Variants in NLGN1 observed in about 807,000 individuals in gnomAD.
NLGN1 encodes the protein neuroligin-1.
Under a neutral mutation model 65.5 loss-of-function variants are expected in NLGN1, and 12 were observed. The observed-to-expected ratio is 0.18, with a 90% CI of 0.12 to 0.30. The LOEUF (loss-of-function observed/expected upper bound fraction) is 0.30. NLGN1 is among the 10% of genes least tolerant of loss of function. NLGN1 has a pLI of 1.00. For missense variants in NLGN1, 750 were observed against 1,007.1 expected (o/e 0.74, Z 3.46); for synonymous variants, 350 against 359.5 (o/e 0.97, Z 0.30).
intron 3 of NLGN1, among the ~76,000 whole-genome samples, chr3:173,613,266 G>T (rs1177674897): frequency 1.3e-5 from 2 of 151,954 alleles, no homozygotes; most frequent in Non-Finnish European, 2.9e-5. Flanking sequence ...ATAGCTTATT[G>T]GGGTTAAATA....
intron 2 of NLGN1, among the ~76,000 whole-genome samples, chr3:173,571,609 T>C (rs939270686): frequency 2.0e-5 from 3 of 152,368 alleles, no homozygotes; most frequent in East Asian, 3.9e-4. Context: ...TTAAACTTCA[T>C]TGGAAAGTGA....
intron 3 of NLGN1, among the ~76,000 whole-genome samples, chr3:173,765,729 A>G (rs1778690795): frequency 2.0e-5 from 3 of 152,166 alleles, no homozygotes; most frequent in Admixed American, 1.3e-4. Context: ...AGCTTATATT[A>G]TACGGTAAGA....
chr3:173,807,918 T>G, intron 4 of NLGN1, 86 bp downstream of exon 4: 1 of 1,371,254 alleles, frequency 7.3e-7, no homozygotes, highest in South Asian at 1.2e-5. Flanking sequence ...CTGCTTTGCT[T>G]TGTTTCACCC....
chr3:174,000,581 A>C (rs1297165763), intron 4 of NLGN1, among the ~76,000 whole-genome samples: 1 of 152,186 alleles, frequency 6.6e-6, no homozygotes, highest in East Asian at 1.9e-4. Context: ...GAGTAAATCA[A>C]GGTTAGTTAA....
chr3:173,510,675 G>A (rs992519995), intron 2 of NLGN1, among the ~76,000 whole-genome samples: 3 of 152,152 alleles, frequency 2.0e-5, no homozygotes, highest in Non-Finnish European at 4.4e-5. Context: ...AGGATTGTTT[G>A]TGCTCTCCAG....
intron 3 of NLGN1, among the ~76,000 whole-genome samples, chr3:173,771,869 T>C (rs1779644787): frequency 6.6e-6 from 1 of 151,858 alleles, no homozygotes; most frequent in Non-Finnish European, 1.5e-5. Context: ...TATAAAAATA[T>C]ACATATACAT....
chr3:173,786,567 C>A (rs1782005510), intron 3 of NLGN1, among the ~76,000 whole-genome samples: 1 of 151,900 alleles, frequency 6.6e-6, no homozygotes, highest in Non-Finnish European at 1.5e-5. Flanking sequence ...CACACACACA[C>A]AAAACCCATA....
At chr3:174,135,846 C>G (rs1396696694) in intron 4 of NLGN1, among the ~76,000 whole-genome samples, 1 of 152,050 alleles carries the variant, frequency 6.6e-6, no homozygotes, top group African/African-American at 2.4e-5. Context: ...TAGGAAAAGC[C>G]ATTTTTAAGA....
At chr3:173,516,459 G>A (rs986135326) in intron 2 of NLGN1, among the ~76,000 whole-genome samples, 2 of 151,882 alleles carry the variant, frequency 1.3e-5, no homozygotes, top group East Asian at 1.9e-4. Context: ...TGAACTTTTT[G>A]TATCAGCTAA....
intron 4 of NLGN1, among the ~76,000 whole-genome samples, chr3:174,157,647 C>G (rs1725699036): frequency 6.6e-6 from 1 of 151,674 alleles, no homozygotes; most frequent in African/African-American, 2.4e-5. Context: ...TGCAATGTCT[C>G]TTTAAACTCT....
intron 4 of NLGN1, among the ~76,000 whole-genome samples, chr3:173,931,539 A>G (rs1445768535): frequency 1.3e-5 from 2 of 152,138 alleles, no homozygotes; most frequent in Non-Finnish European, 2.9e-5. Context: ...AGAAATCGTA[A>G]TTGCAAAGGC....
At position 173,586,484 on chromosome 3, in the gene NLGN1, G is replaced by T. The variant is rs556798779; in HGVS notation, c.-320-17795G>T. Among the ~76,000 whole-genome samples, 3 of 152,268 alleles carry T rather than the reference G, an allele frequency of 2.0e-5. No homozygotes were observed. The East Asian group carries it at 5.8e-4, about 29-fold the overall frequency. On this transcript the variant is annotated intron_variant, in intron 2 of 6. Transcript: ENST00000457714. ...AAACTTTCTTCCTGGATTTGTGTGT[G>T]TATGTGTGTTTCTGAAATCTAATTT...
At chr3:173,678,460 A>G (rs2149772556) in intron 3 of NLGN1, among the ~76,000 whole-genome samples, 1 of 152,252 alleles carries the variant, frequency 6.6e-6, no homozygotes, top group South Asian at 2.1e-4. Context: ...CAGGCTTCAC[A>G]AAGGATGTGA....
intron 2 of NLGN1, among the ~76,000 whole-genome samples, chr3:173,580,118 A>G (rs564981408): frequency 2.6e-4 from 39 of 152,092 alleles, no homozygotes; most frequent in African/African-American, 8.7e-4. Flanking sequence ...CATTTATATG[A>G]TTTTTCAAAA....
rs118047369 is a variant in NLGN1, at chr3:174,120,953, A to G, written c.647-154362A>G. Among the ~76,000 whole-genome samples the G allele has an allele frequency of 2.0e-5, 3 of 152,266 alleles. No homozygotes were observed. In the East Asian group the frequency reaches 5.8e-4, roughly 29 times the overall value. On this transcript the variant is annotated intron_variant, in intron 4 of 6. Coordinates refer to ENST00000457714, the Ensembl canonical transcript of NLGN1. ...GGCCCAGCACTGTTATTTGACCCTC[A>G]ATATATCTGTATCTGCAGAACAATA...
intron 3 of NLGN1, among the ~76,000 whole-genome samples, chr3:173,651,778 C>T (rs769023881): frequency 4.6e-5 from 7 of 151,914 alleles, no homozygotes; most frequent in Non-Finnish European, 7.4e-5. Flanking sequence ...AATGTCTACT[C>T]ATGTTCTTTG....
intron 2 of NLGN1, among the ~76,000 whole-genome samples, chr3:173,499,182 T>G (rs190018406): frequency 0.012 from 1,876 of 151,916 alleles, 21 homozygotes; most frequent in Non-Finnish European, 0.02. Context: ...GTTTTTATGG[T>G]TTTAGGTCTA....
intron 4 of NLGN1, among the ~76,000 whole-genome samples, chr3:173,885,683 ATAGT>A (rs1422815079): frequency 2.0e-5 from 3 of 152,172 alleles, no homozygotes; most frequent in African/African-American, 7.2e-5. Flanking sequence ...AATTCACTAA[ATAGT>A]TAAACACTTG....
intron 4 of NLGN1, among the ~76,000 whole-genome samples, chr3:173,869,449 G>C (rs1730771729): frequency 6.6e-6 from 1 of 152,074 alleles, no homozygotes; most frequent in Non-Finnish European, 1.5e-5. Flanking sequence ...CAATGGCAAA[G>C]GTTGTTTGGT....
Sources: gnomAD v4.1 joint callset for allele counts (sites outside exome capture counted in the v4.1 genomes callset) on GRCh38, gnomAD v4.1.1 for gene constraint, MANE v1.5 for transcripts, NCBI Gene and HGNC (gene_info 2026-07-23, HGNC 2026-07-21) for gene names.